Variants in KIF26B observed in about 807,000 individuals in gnomAD.
KIF26B encodes kinesin-like protein KIF26B.
Under a neutral mutation model 151.2 loss-of-function variants are expected in KIF26B, and 63 were observed. The observed-to-expected ratio is 0.42, with a 90% confidence interval of 0.34 to 0.51. KIF26B has a LOEUF of 0.51. Ranked by LOEUF, KIF26B falls within the 20% of genes least tolerant of loss-of-function variation. The probability of loss-of-function intolerance (pLI) is 0.07; values close to 1 mark genes in which losing one functional copy is unlikely to be tolerated. For synonymous variants in KIF26B, 1,357 were observed against 1,262.1 expected, an observed-to-expected ratio of 1.08 and a Z score of -1.59; for missense variants, 2,813 against 2,913.6, an observed-to-expected ratio of 0.97 and a Z score of 0.79.
chr1:245,417,893 T>C (rs1387177070), intron 3 of KIF26B, among the ~76,000 whole-genome samples: 1 of 152,146 alleles, frequency 6.6e-6, no homozygotes, highest in Non-Finnish European at 1.5e-5. Context: ...ATGAGAAATA[T>C]GGTAATGAAA....
intron 5 of KIF26B, among the ~76,000 whole-genome samples, chr1:245,557,768 A>G (rs970609502): frequency 9.2e-5 from 14 of 152,142 alleles, no homozygotes; most frequent in Admixed American, 3.3e-4. Flanking sequence ...AGCACAGGTG[A>G]GCTACAGTAA....
intron 2 of KIF26B, among the ~76,000 whole-genome samples, chr1:245,332,818 G>T (rs1250607302): frequency 6.6e-6 from 1 of 152,132 alleles, no homozygotes; most frequent in African/African-American, 2.4e-5. Flanking sequence ...TCATCTCACT[G>T]CCTCTCCTCG....
At chr1:245,179,619 C>A (rs922665477) in intron 2 of KIF26B, among the ~76,000 whole-genome samples, 2 of 149,532 alleles carry the variant, frequency 1.3e-5, no homozygotes, top group African/African-American at 5.1e-5. Context: ...AGCGAGACTC[C>A]GACTCAAAAA....
At chr1:245,362,357 T>C (rs1159800951) in intron 2 of KIF26B, among the ~76,000 whole-genome samples, 1 of 130,162 alleles carries the variant, frequency 7.7e-6, no homozygotes, top group Non-Finnish European at 1.6e-5. Context: ...TGAAACCCCG[T>C]CTCTACTAAA....
chr1:245,547,234 G>C (rs1661764896), intron 5 of KIF26B, among the ~76,000 whole-genome samples: 1 of 152,180 alleles, frequency 6.6e-6, no homozygotes, highest in Non-Finnish European at 1.5e-5. Flanking sequence ...GGAACTGTTA[G>C]GAGAATATTC....
intron 2 of KIF26B, among the ~76,000 whole-genome samples, chr1:245,355,595 CAAAAAA>C (rs34799952): frequency 4.0e-5 from 3 of 74,858 alleles, no homozygotes; most frequent in African/African-American, 1.0e-4. Flanking sequence ...GACCCTGTCT[CAAAAAA>C]AAAAAAAAAA....
chr1:245,456,232 T>C (rs1399368794), intron 4 of KIF26B, among the ~76,000 whole-genome samples: 1 of 152,246 alleles, frequency 6.6e-6, no homozygotes, highest in Non-Finnish European at 1.5e-5. Context: ...TCTAGATCAT[T>C]ACATTATGTG....
intron 10 of KIF26B, among the ~76,000 whole-genome samples, chr1:245,674,266 A>G (rs2044330400): frequency 6.6e-6 from 1 of 152,234 alleles, no homozygotes; most frequent in Non-Finnish European, 1.5e-5. Context: ...CAAAGCACTG[A>G]TAACTCAGGA....
At position 245,688,304 on chromosome 1, in the gene KIF26B, C is replaced by T. The variant is rs1355905773; in HGVS notation, c.5321C>T (p.Pro1774Leu). The T allele has an allele frequency of 1.9e-6, 3 of 1,596,062 alleles. No homozygotes were observed. Among genetic ancestry groups the T allele is most frequent in the Non-Finnish European group, 1.7e-6 (2 of 1,178,240 alleles). Residue 1774 changes from proline to leucine, a missense_variant, in exon 12 of 15, where the codon CCC (proline) becomes CTC (leucine). By Grantham distance (98) the Pro-to-Leu change is moderately conservative (BLOSUM62 -3). This residue lies in a region of KIF26B where 2,060 missense variants were observed against 2,088.6 expected (regional missense o/e 0.99). Transcript: ENST00000407071. ...PQAVGQGSSS[P>L]PGGKHTPWST... ...GCGGTGGGCCAGGGCTCCAGCTCGCCCCCCGGTGGGAAGCACACGCCCTGG... is the reference window on the plus strand; with the variant it reads ...GCGGTGGGCCAGGGCTCCAGCTCGCTCCCCGGTGGGAAGCACACGCCCTGG...
intron 4 of KIF26B, among the ~76,000 whole-genome samples, chr1:245,466,328 C>A (rs911829068): frequency 2.6e-5 from 4 of 152,206 alleles, no homozygotes; most frequent in African/African-American, 9.6e-5. Context: ...GCAGACGCTT[C>A]TTTTCTTGTT....
intron 5 of KIF26B, among the ~76,000 whole-genome samples, chr1:245,551,026 A>G (rs1661868825): frequency 6.6e-6 from 1 of 152,116 alleles, no homozygotes; most frequent in African/African-American, 2.4e-5. Context: ...GTCATCATGC[A>G]TTTGATTTGC....
At chr1:245,561,970 T>C (rs1558215631) in intron 5 of KIF26B, among the ~76,000 whole-genome samples, 1 of 152,184 alleles carries the variant, frequency 6.6e-6, no homozygotes, top group Non-Finnish European at 1.5e-5. Flanking sequence ...TTGCTGTGGA[T>C]GCTGAAGGGC....
intron 2 of KIF26B, among the ~76,000 whole-genome samples, chr1:245,199,005 C>CGGGGGTGGGGGAGGGG (rs1553333844): frequency 2.0e-5 from 3 of 149,510 alleles, no homozygotes; most frequent in Non-Finnish European, 3.0e-5. Flanking sequence ...GAGTCCCAAG[C>CGGGGGTGGGGGAGGGG]AGGGGACAGA....
chr1:245,354,877 T>C (rs1022365679), intron 2 of KIF26B, among the ~76,000 whole-genome samples: 1 of 152,226 alleles, frequency 6.6e-6, no homozygotes, highest in African/African-American at 2.4e-5. Context: ...GTGTCAACCT[T>C]GACCCCACGG....
chr1:245,688,731 C>G lies in KIF26B; in HGVS notation c.5748C>G (p.Asp1916Glu). The change falls in exon 12 of 15, where the codon GAC (aspartate) becomes GAG (glutamate). Residue 1916 changes from aspartate (D) to glutamate (E), a missense_variant. Transcript: ENST00000407071. The part of the protein sequence containing the change: ...EATGSASSAQ[D>E]STSENSSSVG... ...CCGGCAGCGCGTCCTCGGCGCAGGA[C>G]TCCACGAGCGAGAACAGCAGCTCCG... is the stretch of plus-strand genomic sequence containing the variant. 6.2e-7 allele frequency: 1 copy of G among 1,609,046 alleles called. No homozygotes were observed. Among genetic ancestry groups the G allele is most frequent in the South Asian group, 1.1e-5 (1 of 90,532 alleles).
chr1:245,491,843 G>C (rs1660415033), intron 4 of KIF26B, among the ~76,000 whole-genome samples: 1 of 152,220 alleles, frequency 6.6e-6, no homozygotes, highest in Non-Finnish European at 1.5e-5. Context: ...GGGAGGTGGA[G>C]GTTGCAGTGA....
At chr1:245,313,781 C>T (rs929480295) in intron 2 of KIF26B, among the ~76,000 whole-genome samples, 1 of 152,214 alleles carries the variant, frequency 6.6e-6, no homozygotes, top group Admixed American at 6.5e-5. Flanking sequence ...GATTGGGCTT[C>T]TTGTGGTGCA....
chr1:245,482,436 T>C (rs1660188625), intron 4 of KIF26B, among the ~76,000 whole-genome samples: 1 of 151,774 alleles, frequency 6.6e-6, no homozygotes, highest in Non-Finnish European at 1.5e-5. Context: ...TCCTTTATAA[T>C]CAACATTAGA....
intron 3 of KIF26B, among the ~76,000 whole-genome samples, chr1:245,407,628 T>C (rs1674168787): frequency 6.6e-6 from 1 of 152,130 alleles, no homozygotes; most frequent in African/African-American, 2.4e-5. Context: ...ATGTTAAAAA[T>C]CAAGTGAAAA....
Sources: allele counts gnomAD v4.1 joint callset (sites outside exome capture counted in the v4.1 genomes callset), GRCh38; gene constraint gnomAD v4.1.1; regional missense constraint gnomAD v4.1.1; transcripts MANE v1.5; gene names NCBI Gene and HGNC (gene_info 2026-07-23, HGNC 2026-07-21).